Variants in C5orf63 observed in about 807,000 individuals in gnomAD.
C5orf63 encodes the protein glutaredoxin-like protein C5orf63.
A neutral mutation model predicts 13.3 loss-of-function variants in C5orf63; 18 were observed. The ratio of observed to expected loss-of-function variants is 1.36; its 90% CI spans 0.94 to 2.01. C5orf63 has a LOEUF of 2.01. Ranked by LOEUF, C5orf63 falls within the 30% of genes most tolerant of loss-of-function variation. The pLI is 0.00. For missense variants in C5orf63, 118 were observed against 127.7 expected (o/e 0.92, Z 0.36); for synonymous variants, 38 against 44.7 (o/e 0.85, Z 0.60).
intron 2 of C5orf63, among the ~76,000 whole-genome samples, chr5:127,065,349 A>G (rs1754288938): frequency 6.6e-6 from 1 of 152,248 alleles, no homozygotes; most frequent in Admixed American, 6.5e-5. Context: ...TAACAGGGCC[A>G]TATAATTCAA....
chr5:127,055,217 A>G (rs1246540176), intron 3 of C5orf63, among the ~76,000 whole-genome samples: 2 of 152,204 alleles, frequency 1.3e-5, no homozygotes, highest in Non-Finnish European at 2.9e-5. Context: ...ATCCCCATCA[A>G]GCTACCAATG....
chr5:127,043,857 C>T (rs2126875185), downstream of C5orf63: 1 of 152,342 alleles, frequency 6.6e-6, no homozygotes, highest in South Asian at 2.1e-4. Flanking sequence ...AACCTAGTCT[C>T]ATGATGCAAA....
chr5:127,059,140 C>T, intron 2 of C5orf63, 138 bp from the exon 3 acceptor site: 2 of 636,866 alleles, frequency 3.1e-6, no homozygotes, highest in Non-Finnish European at 5.5e-6. Flanking sequence ...GTTGGAAAGA[C>T]CTATAAATTT....
At chr5:127,063,739 G>A (rs753447696) in intron 2 of C5orf63, among the ~76,000 whole-genome samples, 4 of 152,158 alleles carry the variant, frequency 2.6e-5, no homozygotes, top group Non-Finnish European at 5.9e-5. Flanking sequence ...TACTATTACT[G>A]TAGCTCTCAC....
chr5:127,055,432 C>A (rs1753845245), intron 3 of C5orf63, among the ~76,000 whole-genome samples: 1 of 152,072 alleles, frequency 6.6e-6, no homozygotes, highest in Admixed American at 6.6e-5. Flanking sequence ...TGGATGAGCT[C>A]AAAACAGACC....
downstream of C5orf63, among the ~76,000 whole-genome samples, chr5:127,048,186 G>A (rs772608406): frequency 2.6e-5 from 4 of 151,434 alleles, no homozygotes; most frequent in South Asian, 6.3e-4. Flanking sequence ...AGGCCTGCCT[G>A]CAACGAAGGT....
In C5orf63 at chr5:127,064,438, C is replaced by A. The variant is rs147147816; in HGVS notation, c.-7-5436G>T. On this transcript the variant is annotated intron_variant, in intron 2 of 4. Transcript: ENST00000296662. Reference sequence around the variant, plus strand: ...TCAAACAAAATGTTGCAACAAAGATCCTGAGCTAACCACCCACCTATGGGC... The same window carrying A: ...TCAAACAAAATGTTGCAACAAAGATACTGAGCTAACCACCCACCTATGGGC... Among the ~76,000 whole-genome samples the A allele has an allele frequency of 1.5e-3, 221 of 152,222 alleles. 1 individual carries two copies. Among genetic ancestry groups the A allele is most frequent in the African/African-American group, 5.2e-3 (216 of 41,530 alleles).
rs1435788899 is a variant in C5orf63, at chr5:127,051,900, C to T, written c.219G>A (p.Trp73Ter). The T allele has an allele frequency of 5.5e-5, 84 of 1,530,936 alleles. No homozygotes were observed. Among genetic ancestry groups the T allele is most frequent in the Non-Finnish European group, 6.7e-5 (77 of 1,144,382 alleles). 94.8% of individuals were successfully genotyped at this position (1,530,936 alleles called of 1,614,324 possible). A position where few individuals can be genotyped will look rare whatever the true frequency, so the allele number is the denominator to read the frequency against. The change falls in exon 5 of 5, where the codon TGG becomes TGA. Residue 73 changes from tryptophan to a stop codon, truncating the protein, a stop_gained. Transcript: ENST00000296662. LOFTEE classifies it high-confidence loss of function. Reference protein sequence around the residue: ...VNITLPENSVWYERYKFDIPV... With the variant: ...VNITLPENSV ...GAATATCAAATTTATACCTTTCATA[C>T]CAGACAGAGTTTTCTGGAAGTGTGA...
intron 2 of C5orf63, among the ~76,000 whole-genome samples, chr5:127,066,122 T>C (rs867098397): frequency 6.6e-6 from 1 of 151,780 alleles, no homozygotes; most frequent in Non-Finnish European, 1.5e-5. Flanking sequence ...AAATGATTTA[T>C]TGAAAGAAAC....
intron 2 of C5orf63, among the ~76,000 whole-genome samples, chr5:127,068,417 T>C (rs1754407596): frequency 6.6e-6 from 1 of 152,052 alleles, no homozygotes; most frequent in Non-Finnish European, 1.5e-5. Context: ...CTGGGAAGTG[T>C]TGGTGTCAAA....
At chr5:127,060,204 G>C (rs767371030) in intron 2 of C5orf63, among the ~76,000 whole-genome samples, 8 of 152,018 alleles carry the variant, frequency 5.3e-5, no homozygotes, top group Non-Finnish European at 7.4e-5. Context: ...AGAGAATCAG[G>C]CTGAATTACC....
At chr5:127,052,352 G>T (rs1194278670) in intron 4 of C5orf63, 1 of 363,072 alleles carries the variant, frequency 2.8e-6, no homozygotes, top group Non-Finnish European at 4.9e-6. Flanking sequence ...AAAGTTTAAA[G>T]AAAACATGAA....
In C5orf63 at chr5:127,051,641, T is replaced by G. The variant is rs1440010878; in HGVS notation, c.*130A>C. The G allele has an allele frequency of 2.3e-6, 3 of 1,281,840 alleles. No homozygotes were observed. The highest frequency in any genetic ancestry group is 3.0e-5 in the African/African-American group (2 of 65,762). The allele number at this position is 1,281,840 out of a possible 1,614,324, so 79.4% of individuals were successfully genotyped here. A position where few individuals can be genotyped will look rare whatever the true frequency, so the allele number is the denominator to read the frequency against. On this transcript the variant is annotated 3_prime_UTR_variant, in exon 5 of 5. Coordinates refer to ENST00000296662, the MANE Select transcript of C5orf63 (RefSeq NM_001164478.2). ...CAACCAAAAGGGGAATGTCAACATT[T>G]ATTTGGCACCACTGAATTCAGAACA... is the stretch of plus-strand genomic sequence containing the variant.
intron 3 of C5orf63, among the ~76,000 whole-genome samples, chr5:127,053,568 T>C (rs1753767083): frequency 6.6e-6 from 1 of 152,218 alleles, no homozygotes; most frequent in African/African-American, 2.4e-5. Context: ...TTTCTCCTAA[T>C]GCTATCCCTC....
At chr5:127,060,026 T>G (rs1754040812) in intron 2 of C5orf63, among the ~76,000 whole-genome samples, 1 of 152,058 alleles carries the variant, frequency 6.6e-6, no homozygotes, top group South Asian at 2.1e-4. Context: ...TAATCCCAGC[T>G]ACTCGGGAGG....
At chr5:127,059,177 T>G (rs1754003604) in intron 2 of C5orf63, among the ~76,000 whole-genome samples, 175 bp from the exon 3 acceptor site, 1 of 152,198 alleles carries the variant, frequency 6.6e-6, no homozygotes, top group Admixed American at 6.5e-5. Context: ...GCCTCAACAT[T>G]CATTGTATTC....
chr5:127,059,500 G>T (rs1754015697), intron 2 of C5orf63, among the ~76,000 whole-genome samples: 1 of 151,240 alleles, frequency 6.6e-6, no homozygotes, highest in African/African-American at 2.4e-5. Flanking sequence ...GGCCAAAATG[G>T]GCAGATGACT....
intron 3 of C5orf63, among the ~76,000 whole-genome samples, chr5:127,055,589 A>G (rs1052597012): frequency 2.0e-5 from 3 of 152,212 alleles, no homozygotes; most frequent in African/African-American, 7.2e-5. Context: ...TTCTGGCCCT[A>G]ATTTCCTAGA....
At chr5:127,055,772 T>C (rs966009439) in intron 3 of C5orf63, among the ~76,000 whole-genome samples, 1 of 152,192 alleles carries the variant, frequency 6.6e-6, no homozygotes, top group Non-Finnish European at 1.5e-5. Context: ...GAAGTACCAA[T>C]TGTGCTAAAA....
Sources: allele counts gnomAD v4.1 joint callset (sites outside exome capture counted in the v4.1 genomes callset), GRCh38; gene constraint gnomAD v4.1.1; transcripts MANE v1.5; gene names NCBI Gene and HGNC (gene_info 2026-07-23, HGNC 2026-07-21).